The following LRRC37A2 variants were observed in gnomAD, a reference collection of about 807,000 sequenced individuals.
LRRC37A2 encodes the protein leucine rich repeat containing 37 member A2, also known as leucine-rich repeat-containing protein 37A2.
A neutral mutation model predicts 68.8 loss-of-function variants in LRRC37A2; 9 were observed. That is an observed-to-expected ratio of 0.13 (90% CI 0.08 to 0.23). The LOEUF (loss-of-function observed/expected upper bound fraction) is 0.23, where lower values mean the gene tolerates loss of function less well. Among genes scored for constraint, LRRC37A2 ranks in the 10% least tolerant of loss-of-function variants. The pLI is 1.00. For missense variants in LRRC37A2, 168 were observed against 950.4 expected (o/e 0.18, Z 10.82); for synonymous variants, 63 against 367.6 (o/e 0.17, Z 9.48).
At chr17:46,818,208 G>A in the LRRC37A2 span, among the ~76,000 whole-genome samples, 1 of 152,092 alleles carries the variant, frequency 6.6e-6, no homozygotes, top group South Asian at 2.1e-4. Flanking sequence ...CAAATGGGGG[G>A]TCTTCGGGGG....
the LRRC37A2 span, among the ~76,000 whole-genome samples, chr17:46,776,380 G>C: frequency 6.6e-6 from 1 of 152,222 alleles, no homozygotes; most frequent in African/African-American, 2.4e-5. Flanking sequence ...AATCCCTGTG[G>C]TTTATTATGG....
chr17:46,782,603 G>A, the LRRC37A2 span, among the ~76,000 whole-genome samples: 1 of 152,252 alleles, frequency 6.6e-6, no homozygotes, highest in African/African-American at 2.4e-5. Flanking sequence ...AGCCGTTCAG[G>A]ATTGGCAGAT....
the LRRC37A2 span, chr17:46,710,884 A>G: frequency 7.8e-7 from 1 of 1,281,924 alleles, no homozygotes; most frequent in Non-Finnish European, 1.1e-6. Context: ...TTTAGCATGT[A>G]CGGATTATAA....
chr17:46,939,356 A>G, the LRRC37A2 span: 7 of 1,003,920 alleles, frequency 7.0e-6, no homozygotes, highest in East Asian at 9.3e-5. Context: ...ATGTAGTGCT[A>G]TTGCCGATAA....
the LRRC37A2 span, chr17:46,939,004 T>A: frequency 1.5e-6 from 2 of 1,351,288 alleles, no homozygotes; most frequent in Admixed American, 5.1e-5. Flanking sequence ...GGTCTGTCTC[T>A]CTCACTCTCG....
the LRRC37A2 span, among the ~76,000 whole-genome samples, chr17:46,914,984 A>T: frequency 6.6e-6 from 1 of 152,278 alleles, no homozygotes; most frequent in East Asian, 1.9e-4. Flanking sequence ...TAAGCCCTGT[A>T]CCCTCTCATC....
the LRRC37A2 span, among the ~76,000 whole-genome samples, chr17:46,859,778 C>G: frequency 6.6e-6 from 1 of 152,116 alleles, no homozygotes; most frequent in Non-Finnish European, 1.5e-5. Flanking sequence ...TACATCAGTT[C>G]ATGGAAGATT....
chr17:46,768,461 G>GC, the LRRC37A2 span: 1 of 1,614,160 alleles, frequency 6.2e-7, no homozygotes. This position sits in a 1 kb window ranked among gnomAD's most constrained non-coding sequence, Gnocchi z 5.0. Context: ...GCAGATCGCA[G>GC]CCATCGATGC....
chr17:46,676,203 G>T, the LRRC37A2 span, among the ~76,000 whole-genome samples: 1 of 146,310 alleles, frequency 6.8e-6, no homozygotes, highest in South Asian at 2.1e-4. Context: ...TGGAATGGAA[G>T]CTGGGAAATC....
chr17:46,932,497 A>T, the LRRC37A2 span: 1 of 592,246 alleles, frequency 1.7e-6, no homozygotes. Flanking sequence ...CATGGTGGAA[A>T]CGTTTTTCTG....
At chr17:46,857,712 T>C in the LRRC37A2 span, among the ~76,000 whole-genome samples, 1 of 152,208 alleles carries the variant, frequency 6.6e-6, no homozygotes, top group African/African-American at 2.4e-5. Flanking sequence ...AGAGTTCCAG[T>C]TGCTCCATAT....
At chr17:46,892,999 G>A in the LRRC37A2 span, among the ~76,000 whole-genome samples, 6 of 151,654 alleles carry the variant, frequency 4.0e-5, no homozygotes, top group African/African-American at 1.5e-4. Context: ...TGCATGGTGC[G>A]ATCTTGGCAC....
chr17:46,976,701 T>A, the LRRC37A2 span, among the ~76,000 whole-genome samples: 1 of 152,184 alleles, frequency 6.6e-6, no homozygotes, highest in South Asian at 2.1e-4. Context: ...TAAGCCTGTG[T>A]TCTTTCTGAA....
chr17:46,918,963 T>C, the LRRC37A2 span, among the ~76,000 whole-genome samples: 1 of 152,210 alleles, frequency 6.6e-6, no homozygotes, highest in South Asian at 2.1e-4. Flanking sequence ...TTTGAATCTC[T>C]CTTGAGTCAC....
chr17:46,928,708 T>G, the LRRC37A2 span, among the ~76,000 whole-genome samples: 1 of 152,150 alleles, frequency 6.6e-6, no homozygotes, highest in African/African-American at 2.4e-5. Flanking sequence ...TCTGAATGGT[T>G]TCCTCCAGTG....
the LRRC37A2 span, among the ~76,000 whole-genome samples, chr17:46,907,363 A>T: frequency 2.0e-5 from 3 of 151,882 alleles, no homozygotes. Flanking sequence ...AGAGAGGTTG[A>T]CCGTGGCAGT....
At chr17:46,812,481 A>C in the LRRC37A2 span, among the ~76,000 whole-genome samples, 1 of 151,700 alleles carries the variant, frequency 6.6e-6, no homozygotes, top group Non-Finnish European at 1.5e-5. Flanking sequence ...CCCTGGTGCC[A>C]CTCCCCCTGG....
chr17:46,891,918 C>CT, the LRRC37A2 span, among the ~76,000 whole-genome samples: 5,341 of 71,834 alleles, frequency 0.074, 252 homozygotes, highest in African/African-American at 0.16. Flanking sequence ...CTTTTCTTTT[C>CT]TTTTTTTTTT....
At chr17:47,029,409 G>C in the LRRC37A2 span, among the ~76,000 whole-genome samples, 6 of 152,166 alleles carry the variant, frequency 3.9e-5, no homozygotes, top group African/African-American at 1.4e-4. Flanking sequence ...AAATCAGAGT[G>C]GGTATATTCA....
Sources: gnomAD v4.1 joint callset for allele counts (sites outside exome capture counted in the v4.1 genomes callset) on GRCh38, gnomAD v4.1.1 for gene constraint, Gnocchi (gnomAD v3.1) non-coding constraint, MANE v1.5 for transcripts, NCBI Gene and HGNC (gene_info 2026-07-23, HGNC 2026-07-21) for gene names.